The following MLLT10 variants were observed in gnomAD, a reference collection of about 807,000 sequenced individuals.
MLLT10 encodes the protein MLLT10 histone lysine methyltransferase DOT1L cofactor, also known as protein AF-10.
In MLLT10, 30 loss-of-function variants were observed where a neutral mutation model predicts 129.1. The observed-to-expected ratio is 0.23, with a 90% CI of 0.17 to 0.32. The LOEUF (loss-of-function observed/expected upper bound fraction) is 0.32. MLLT10 is among the 10% of genes least tolerant of loss of function. MLLT10 has a pLI of 1.00. For synonymous variants in MLLT10, 490 were observed against 446.4 expected (o/e 1.10, Z -1.23); for missense variants, 1,119 against 1,268.3 (o/e 0.88, Z 1.79).
chr10:21,633,477 G>C (rs1188641887), intron 8 of MLLT10, among the ~76,000 whole-genome samples: 2 of 152,140 alleles, frequency 1.3e-5, no homozygotes, highest in East Asian at 1.9e-4. Flanking sequence ...GGCCAAGGCG[G>C]GTCTAAGAGT....
chr10:21,733,761 A>T lies in MLLT10; in HGVS notation c.2497-7A>T. The T allele has an allele frequency of 6.3e-7, 1 of 1,595,988 alleles. No individual in the cohort carries two copies. The highest frequency in any genetic ancestry group is 8.5e-7 in the Non-Finnish European group (1 of 1,171,444). ...GTGGACTTAGTTTCTCTTCTTTCTT[A>T]CGCTAGGACTTAACCTCCAGTGGAC... On this transcript the variant is annotated splice_polypyrimidine_tract_variant and splice_region_variant and intron_variant, in intron 19 of 22. Coordinates refer to ENST00000307729, the MANE Select transcript of MLLT10 (RefSeq NM_001195626.3).
intron 8 of MLLT10, among the ~76,000 whole-genome samples, chr10:21,623,469 C>A (rs1445194156): frequency 1.3e-5 from 2 of 152,312 alleles, no homozygotes; most frequent in East Asian, 3.9e-4. Context: ...GCTCTTATCA[C>A]CCCATCACTC....
At chr10:21,535,367 G>C (rs1029844329) in intron 2 of MLLT10, among the ~76,000 whole-genome samples, 5 of 152,110 alleles carry the variant, frequency 3.3e-5, no homozygotes, top group Admixed American at 6.5e-5. Flanking sequence ...CCCCGAGCCA[G>C]AAGGCTCGGG....
At chr10:21,673,309 ACCCCCCAACT>A (rs774858735) in intron 10 of MLLT10, 31 bp from the exon 11 acceptor site, 120 of 103,792 alleles carry the variant, frequency 1.2e-3, no homozygotes, top group Non-Finnish European at 1.8e-3. Flanking sequence ...TGTCCCCCCC[ACCCCCCAACT>A]TTTTTTTTTT....
chr10:21,701,122 C>G (rs2054862404), intron 13 of MLLT10, among the ~76,000 whole-genome samples: 1 of 152,012 alleles, frequency 6.6e-6, no homozygotes, highest in Non-Finnish European at 1.5e-5. Context: ...AGCATTCATA[C>G]TATTCTCTGC....
At chr10:21,636,188 A>G (rs950870266) in intron 8 of MLLT10, among the ~76,000 whole-genome samples, 1 of 151,832 alleles carries the variant, frequency 6.6e-6, no homozygotes, top group Non-Finnish European at 1.5e-5. Context: ...TGGCATGATC[A>G]TGGCTCACTG....
intron 9 of MLLT10, among the ~76,000 whole-genome samples, chr10:21,665,467 T>C (rs2050694450): frequency 6.6e-6 from 1 of 152,016 alleles, no homozygotes; most frequent in Non-Finnish European, 1.5e-5. Context: ...TTTGCATTTT[T>C]AGTAGCTACA....
intron 8 of MLLT10, among the ~76,000 whole-genome samples, chr10:21,631,698 A>G (rs1048963115): frequency 2.6e-5 from 4 of 152,150 alleles, no homozygotes; most frequent in Non-Finnish European, 5.9e-5. Flanking sequence ...AAACTGCTAC[A>G]TACTTTCAAA....
At position 21,647,549 on chromosome 10, in the gene MLLT10, G is replaced by A. The variant is rs146431874; in HGVS notation, c.700-4124G>A. On this transcript the variant is annotated intron_variant, in intron 8 of 22. Transcript: ENST00000307729. The stretch of plus-strand genomic sequence containing the variant: ...ACATTTTCTCTAGTAATGTATGCAA[G>A]TGCTCATTTCCCTAGGCAGTTATTA... Among the ~76,000 whole-genome samples the A allele has an allele frequency of 5.6e-3, 850 of 152,270 alleles. 3 individuals are homozygous for A. The highest frequency in any genetic ancestry group is 9.0e-3 in the Non-Finnish European group (613 of 68,024).
chr10:21,600,561 T>C (rs1470462654), intron 5 of MLLT10, among the ~76,000 whole-genome samples: 2 of 152,222 alleles, frequency 1.3e-5, no homozygotes, highest in Non-Finnish European at 2.9e-5. Context: ...GCCCCTGATA[T>C]TCATATTTGT....
chr10:21,534,896 C>T, intron 2 of MLLT10, 92 bp downstream of exon 2: 2 of 942,088 alleles, frequency 2.1e-6, no homozygotes, highest in Non-Finnish European at 2.6e-6. Flanking sequence ...CGCCCCCGCC[C>T]CGTGCCGCGG....
intron 3 of MLLT10, among the ~76,000 whole-genome samples, chr10:21,541,870 T>A (rs892693831): frequency 2.0e-5 from 3 of 152,182 alleles, no homozygotes; most frequent in Non-Finnish European, 4.4e-5. Flanking sequence ...AGAATGCACT[T>A]TAATAGAATT....
intron 8 of MLLT10, among the ~76,000 whole-genome samples, chr10:21,647,939 T>C (rs1020787202): frequency 2.0e-5 from 3 of 152,156 alleles, no homozygotes; most frequent in African/African-American, 7.2e-5. Flanking sequence ...TCAGATACTT[T>C]AAAAATACTT....
At chr10:21,731,444 A>G (rs1253159798) in intron 17 of MLLT10, among the ~76,000 whole-genome samples, 1 of 152,144 alleles carries the variant, frequency 6.6e-6, no homozygotes, top group African/African-American at 2.4e-5. Flanking sequence ...ATGATTATAC[A>G]TATTGGTACT....
intron 13 of MLLT10, among the ~76,000 whole-genome samples, chr10:21,697,371 C>G (rs2054482088): frequency 6.6e-6 from 1 of 152,136 alleles, no homozygotes; most frequent in Non-Finnish European, 1.5e-5. Context: ...GAGGCCGAGG[C>G]AGGAGAATCG....
chr10:21,599,724 C>T (rs544353411), intron 5 of MLLT10, among the ~76,000 whole-genome samples: 65 of 152,126 alleles, frequency 4.3e-4, no homozygotes, highest in African/African-American at 1.4e-3. Context: ...CCATCACACC[C>T]GGCTAAGTTT....
At position 21,673,361 on chromosome 10, in the gene MLLT10, G is replaced by T; in HGVS notation, c.1063G>T (p.Gly355Ter). 1.1e-6 allele frequency: 1 copy of T among 941,390 alleles called. No homozygotes were observed. The highest frequency in any genetic ancestry group is 1.3e-6 in the Non-Finnish European group (1 of 752,832). 58.3% of individuals were successfully genotyped at this position (941,390 alleles called of 1,614,324 possible). A position where few individuals can be genotyped will look rare whatever the true frequency, so the allele number is the denominator to read the frequency against. The stretch of plus-strand genomic sequence containing the variant: ...TTTTTAAACTACAGGCAGTTTTTCA[G>T]GAACTCCAGGCAGTGTAAAGTCATC... ...ASPFPQGSFS[G>*]TPGSVKSSSG... Residue 355 changes from glycine (G) to a stop codon, truncating the protein, a stop_gained, in exon 11 of 23, where the codon GGA becomes TGA. Transcript: ENST00000307729. LOFTEE classifies it high-confidence loss of function.
intron 8 of MLLT10, among the ~76,000 whole-genome samples, chr10:21,648,796 T>C (rs187048943): frequency 6.6e-6 from 1 of 152,326 alleles, no homozygotes; most frequent in East Asian, 1.9e-4. Flanking sequence ...CTCACAATTA[T>C]GGCAGAAGGC....
At chr10:21,595,766 GAATT>G (rs973033191) in intron 5 of MLLT10, among the ~76,000 whole-genome samples, 4 of 151,912 alleles carry the variant, frequency 2.6e-5, no homozygotes, top group East Asian at 1.9e-4. Context: ...TGTTAAATTT[GAATT>G]AATTATTATT....
Sources: gnomAD v4.1 joint callset for allele counts (sites outside exome capture counted in the v4.1 genomes callset) on GRCh38, gnomAD v4.1.1 for gene constraint, MANE v1.5 for transcripts, NCBI Gene and HGNC (gene_info 2026-07-23, HGNC 2026-07-21) for gene names.